SVIL: variants seen among roughly 807,000 people sequenced by gnomAD.
SVIL encodes archvillin.
SVIL carries 101 observed loss-of-function variants against 240.4 expected under a neutral mutation model. That is an observed-to-expected ratio of 0.42 (90% CI 0.36 to 0.50). The LOEUF is 0.50. SVIL is among the 20% of genes least tolerant of loss of function. The probability of loss-of-function intolerance (pLI) is 0.01; values close to 1 mark genes in which losing one functional copy is unlikely to be tolerated. For missense variants in SVIL, 2,512 were observed against 2,818.7 expected, an observed-to-expected ratio of 0.89 and a Z score of 2.46; for synonymous variants, 999 against 1,100.0, an observed-to-expected ratio of 0.91 and a Z score of 1.82.
At chr10:29,519,322 C>A (rs1950418059) in intron 16 of SVIL, among the ~76,000 whole-genome samples, 1 of 152,158 alleles carries the variant, frequency 6.6e-6, no homozygotes, top group East Asian at 1.9e-4. Context: ...GACGTGGCCC[C>A]TGGGTCAGCT....
intron 17 of SVIL, among the ~76,000 whole-genome samples, chr10:29,505,180 C>T (rs1289257687): frequency 6.6e-6 from 1 of 151,956 alleles, no homozygotes; most frequent in Non-Finnish European, 1.5e-5. Flanking sequence ...AAACAATTAC[C>T]TGGGGTGTGG....
At position 29,467,883 on chromosome 10, in the gene SVIL, G is replaced by A. The variant is rs998747564; in HGVS notation, c.5844-8C>T. ...CCTGCTTCCAGGGGACATCTGCAAG[G>A]GAGAAACTCCAAGAGTTCTTTATAA... On this transcript the variant is annotated splice_polypyrimidine_tract_variant and splice_region_variant and intron_variant, in intron 32 of 37. Transcript: ENST00000355867. 1.2e-6 allele frequency: 2 copies of A among 1,613,850 alleles called. No individual in the cohort carries two copies. Among genetic ancestry groups the A allele is most frequent in the African/African-American group, 2.7e-5 (2 of 74,906 alleles).
chr10:29,509,450 GATC>G (rs1276113327), intron 17 of SVIL, among the ~76,000 whole-genome samples: 2 of 150,932 alleles, frequency 1.3e-5, no homozygotes, highest in Non-Finnish European at 2.9e-5. Context: ...TTAAGCTCTT[GATC>G]ATCAATCCTC....
chr10:29,638,381 G>A (rs371127261), upstream of SVIL, among the ~76,000 whole-genome samples: 4 of 151,946 alleles, frequency 2.6e-5, no homozygotes, highest in East Asian at 7.7e-4. Flanking sequence ...CAGGAGAATT[G>A]CTTGAACCCG....
chr10:29,604,052 G>A (rs1385213222), intron 1 of SVIL, among the ~76,000 whole-genome samples: 2 of 152,086 alleles, frequency 1.3e-5, no homozygotes, highest in Non-Finnish European at 2.9e-5. Context: ...TACAGTAGTC[G>A]CCCCATGTCC....
intron 1 of SVIL, among the ~76,000 whole-genome samples, chr10:29,623,770 G>T (rs1435357376): frequency 6.6e-6 from 1 of 152,144 alleles, no homozygotes; most frequent in East Asian, 1.9e-4. Flanking sequence ...AGAATGGCTT[G>T]AACCCAGGAG....
chr10:29,577,525 T>A (rs1955754893), intron 1 of SVIL, among the ~76,000 whole-genome samples: 1 of 152,244 alleles, frequency 6.6e-6, no homozygotes, highest in South Asian at 2.1e-4. Context: ...ATTCTTTTTT[T>A]ACGGCTGAGA....
chr10:29,476,467 C>A (rs1453599534), intron 29 of SVIL, among the ~76,000 whole-genome samples: 1 of 152,168 alleles, frequency 6.6e-6, no homozygotes, highest in Non-Finnish European at 1.5e-5. Flanking sequence ...GGTTGGAGTG[C>A]AGTGGTATGA....
chr10:29,610,696 C>T (rs1005797138), intron 1 of SVIL, among the ~76,000 whole-genome samples: 1 of 152,166 alleles, frequency 6.6e-6, no homozygotes, highest in Non-Finnish European at 1.5e-5. Context: ...GTTGGGATTA[C>T]AGGCGTGAGC....
chr10:29,682,372 C>T (rs1238155940), intron 2 of SVIL, among the ~76,000 whole-genome samples: 2 of 152,104 alleles, frequency 1.3e-5, no homozygotes, highest in Non-Finnish European at 2.9e-5. Context: ...TTCAGTTTAG[C>T]CAGAGAGACA....
At chr10:29,675,961 A>T (rs1303536151) in intron 2 of SVIL, among the ~76,000 whole-genome samples, 5 of 152,170 alleles carry the variant, frequency 3.3e-5, no homozygotes. Flanking sequence ...GTCCTCTGAG[A>T]TAGTATCACA....
upstream of SVIL, among the ~76,000 whole-genome samples, chr10:29,639,379 C>T (rs1229193370): frequency 6.6e-6 from 1 of 151,870 alleles, no homozygotes; most frequent in Admixed American, 6.6e-5. Context: ...CCATGTTGGC[C>T]AGGATGGTCT....
upstream of SVIL, among the ~76,000 whole-genome samples, chr10:29,635,277 C>G (rs1321457296): frequency 6.6e-6 from 1 of 152,176 alleles, no homozygotes; most frequent in Non-Finnish European, 1.5e-5. Context: ...TGACAAAGCT[C>G]AGACACTGAA....
chr10:29,522,175 GA>G lies in SVIL; in HGVS notation c.3389+234del, dbSNP rs559957702. Among the ~76,000 whole-genome samples the G allele has an allele frequency of 5.1e-4, 78 of 152,186 alleles. No individual in the cohort carries two copies. In the South Asian group the frequency reaches 0.016, roughly 32 times the overall value. On this transcript the variant is annotated intron_variant, in intron 16 of 37. Coordinates refer to ENST00000355867, the MANE Select transcript of SVIL (RefSeq NM_021738.3). ...TCTGTTTCTGTTTGTTTTCTCATCT[GA>G]GTCTGGAACCAGCCCTGTCCAAACC...
At chr10:29,544,278 T>C (rs1231885037) in intron 6 of SVIL, among the ~76,000 whole-genome samples, 3 of 152,178 alleles carry the variant, frequency 2.0e-5, no homozygotes, top group Non-Finnish European at 2.9e-5. Context: ...GTTAATTTGC[T>C]AAAAGTCGCT....
intron 1 of SVIL, among the ~76,000 whole-genome samples, chr10:29,589,555 C>T (rs1456696455): frequency 1.3e-5 from 2 of 152,130 alleles, no homozygotes; most frequent in African/African-American, 4.8e-5. Context: ...CACCGTATTC[C>T]CCCTTTCCTC....
chr10:29,659,645 G>C (rs903655283), intron 2 of SVIL, among the ~76,000 whole-genome samples: 1 of 152,070 alleles, frequency 6.6e-6, no homozygotes, highest in Admixed American at 6.5e-5. Context: ...GGTCAAAGGG[G>C]AGTCAGCCCA....
At chr10:29,673,725 C>T (rs780207243) in intron 2 of SVIL, among the ~76,000 whole-genome samples, 2 of 152,168 alleles carry the variant, frequency 1.3e-5, no homozygotes, top group Non-Finnish European at 2.9e-5. Context: ...AATCATCTCC[C>T]ATCAGGTCCC....
At chr10:29,479,798 C>A (rs1420514317) in intron 29 of SVIL, among the ~76,000 whole-genome samples, 3 of 152,240 alleles carry the variant, frequency 2.0e-5, no homozygotes, top group African/African-American at 7.2e-5. Flanking sequence ...GGCAAAAATA[C>A]TCTCTTCTGA....
Sources: gnomAD v4.1 joint callset for allele counts (sites outside exome capture counted in the v4.1 genomes callset) on GRCh38, gnomAD v4.1.1 for gene constraint, MANE v1.5 for transcripts, NCBI Gene and HGNC (gene_info 2026-07-23, HGNC 2026-07-21) for gene names.